Variants in CFAP299 observed in about 807,000 individuals in gnomAD.
The protein encoded by CFAP299 is cilia and flagella associated protein 299, also known as cilia- and flagella-associated protein 299.
Under a neutral mutation model 27.0 loss-of-function variants are expected in CFAP299, and 21 were observed. The ratio of observed to expected loss-of-function variants is 0.78; its 90% confidence interval spans 0.55 to 1.12. CFAP299 has a LOEUF of 1.12. CFAP299 is among the 50% of genes most tolerant of loss of function. The pLI, the probability that CFAP299 is intolerant of heterozygous loss-of-function variation, is 0.00. For synonymous variants in CFAP299, 104 were observed against 98.1 expected (o/e 1.06, Z -0.36); for missense variants, 310 against 276.6 (o/e 1.12, Z -0.86).
chr4:80,364,516 C>A (rs1723720359), intron 2 of CFAP299, among the ~76,000 whole-genome samples: 1 of 152,184 alleles, frequency 6.6e-6, no homozygotes, highest in Admixed American at 6.5e-5. Flanking sequence ...CTGTGCCCAT[C>A]TAATGATCCA....
At chr4:80,702,264 G>C (rs1238564586) in intron 3 of CFAP299, among the ~76,000 whole-genome samples, 1 of 151,538 alleles carries the variant, frequency 6.6e-6, no homozygotes, top group African/African-American at 2.4e-5. Context: ...TAATTTTTAT[G>C]AATTTTGACA....
At chr4:80,429,440 A>G (rs181646673) in intron 2 of CFAP299, among the ~76,000 whole-genome samples, 149 of 152,284 alleles carry the variant, frequency 9.8e-4, no homozygotes, top group African/African-American at 3.3e-3. Context: ...TTTCTCCTTT[A>G]ACTTCATTTA....
chr4:80,785,459 A>T (rs537306765), intron 3 of CFAP299, among the ~76,000 whole-genome samples: 1 of 151,858 alleles, frequency 6.6e-6, no homozygotes, highest in Admixed American at 6.6e-5. Context: ...TTCTATTTTC[A>T]TGGCCAGAAT....
chr4:80,362,852 G>A lies in CFAP299; in HGVS notation c.210G>A (p.Glu70=). ...EDFEARKAAI[E]IARLAERAQQ... The stretch of plus-strand genomic sequence containing the variant: ...TTGAAGCAAGGAAAGCGGCTATAGA[G>A]ATTGCAAGACTGGCTGAAAGAGCTC... The change falls in exon 2 of 6, where the codon GAG becomes GAA. Residue 70 remains glutamate, a synonymous_variant. Transcript: ENST00000358105. 1 of 1,612,350 alleles carries A rather than the reference G, an allele frequency of 6.2e-7. No homozygotes were observed. Among genetic ancestry groups the A allele is most frequent in the Non-Finnish European group, 8.5e-7 (1 of 1,179,568 alleles).
chr4:80,651,367 C>CTTTTTTTTTTTTTT (rs11365987), intron 3 of CFAP299, among the ~76,000 whole-genome samples: 1 of 133,778 alleles, frequency 7.5e-6, no homozygotes, highest in Non-Finnish European at 1.6e-5. Context: ...TCTTCTTCTT[C>CTTTTTTTTTTTTTT]TTTTTTTTTT....
intron 3 of CFAP299, chr4:80,790,572 C>G (rs1727501353): frequency 6.6e-6 from 1 of 151,314 alleles, no homozygotes; most frequent in African/African-American, 2.4e-5. Flanking sequence ...AGCTAGCTAA[C>G]TCTCTCTCTT....
intron 4 of CFAP299, among the ~76,000 whole-genome samples, chr4:80,880,885 G>C (rs1733667918): frequency 6.6e-6 from 1 of 152,204 alleles, no homozygotes; most frequent in Admixed American, 6.5e-5. Context: ...TGGGGAAAGT[G>C]AGATTGCAGT....
chr4:80,502,002 G>A (rs1450165574), intron 2 of CFAP299, among the ~76,000 whole-genome samples: 1 of 151,780 alleles, frequency 6.6e-6, no homozygotes, highest in Non-Finnish European at 1.5e-5. Flanking sequence ...ATTATTCTTA[G>A]TTACGGATGA....
At chr4:80,599,072 T>G (rs1382625971) in intron 3 of CFAP299, among the ~76,000 whole-genome samples, 1 of 152,186 alleles carries the variant, frequency 6.6e-6, no homozygotes, top group Non-Finnish European at 1.5e-5. Context: ...TAGATTTTAT[T>G]TGGCCAAATC....
intron 2 of CFAP299, among the ~76,000 whole-genome samples, chr4:80,398,306 A>G (rs1358062941): frequency 1.3e-5 from 2 of 152,186 alleles, no homozygotes; most frequent in Non-Finnish European, 2.9e-5. Context: ...CAAGCTACCA[A>G]TGACTTTCTT....
intron 3 of CFAP299, among the ~76,000 whole-genome samples, chr4:80,704,116 C>G (rs1721679507): frequency 6.6e-6 from 1 of 151,470 alleles, no homozygotes. Flanking sequence ...TAGAAAAAAC[C>G]TGGAGGAGGC....
At position 80,588,119 on chromosome 4, in the gene CFAP299, C is replaced by T. The variant is rs746622404; in HGVS notation, c.333+4936C>T. On this transcript the variant is annotated intron_variant, in intron 3 of 5. Transcript: ENST00000358105. ...GGAATATGAGAGATTGTTCTGCCTG[C>T]GGCAAGGTGAATTTGCTTGTATACA... Among the ~76,000 whole-genome samples, 11 of 151,156 alleles carry T rather than the reference C, an allele frequency of 7.3e-5. 1 individual carries two copies. Among genetic ancestry groups the T allele is most frequent in the East Asian group, 3.9e-4 (2 of 5,182 alleles).
At chr4:80,859,439 T>C (rs1055201899) in intron 3 of CFAP299, among the ~76,000 whole-genome samples, 9 of 152,174 alleles carry the variant, frequency 5.9e-5, no homozygotes, top group African/African-American at 1.9e-4. Flanking sequence ...ATGTGTGAAT[T>C]TGAACCTGTC....
chr4:80,864,046 G>T (rs1216582862), intron 3 of CFAP299, among the ~76,000 whole-genome samples: 1 of 151,862 alleles, frequency 6.6e-6, no homozygotes, highest in Non-Finnish European at 1.5e-5. Context: ...ATGTCATAAG[G>T]GATCTCTTGG....
At chr4:80,562,279 G>A (rs146705198) in intron 2 of CFAP299, among the ~76,000 whole-genome samples, 146 of 152,050 alleles carry the variant, frequency 9.6e-4, no homozygotes, top group Admixed American at 1.9e-3. Flanking sequence ...TAACAACATG[G>A]CAGGAATAAG....
At chr4:80,328,528 T>C in the CFAP299 span, among the ~76,000 whole-genome samples, 9 of 151,756 alleles carry the variant, frequency 5.9e-5, no homozygotes, top group African/African-American at 2.2e-4. Flanking sequence ...GGTGGAGTGA[T>C]GCTGAAGGGA....
intron 3 of CFAP299, among the ~76,000 whole-genome samples, chr4:80,763,981 A>G (rs1167026559): frequency 6.6e-6 from 1 of 152,120 alleles, no homozygotes; most frequent in Non-Finnish European, 1.5e-5. Flanking sequence ...ACTTAAATGT[A>G]ATACCTAAAA....
chr4:80,891,796 A>T (rs1161316588), intron 4 of CFAP299, among the ~76,000 whole-genome samples: 1 of 142,976 alleles, frequency 7.0e-6, no homozygotes, highest in Admixed American at 7.0e-5. Context: ...AAATAAAAAA[A>T]AAAATAAAAG....
chr4:80,853,432 G>C (rs1245667129), intron 3 of CFAP299, among the ~76,000 whole-genome samples: 3 of 152,194 alleles, frequency 2.0e-5, no homozygotes, highest in African/African-American at 7.2e-5. Context: ...ATAGCACCTG[G>C]AATGTATATG....
Sources: allele counts gnomAD v4.1 joint callset (sites outside exome capture counted in the v4.1 genomes callset), GRCh38; gene constraint gnomAD v4.1.1; transcripts MANE v1.5; gene names NCBI Gene and HGNC (gene_info 2026-07-23, HGNC 2026-07-21).